Variants in TNXB observed in about 807,000 individuals in gnomAD.
TNXB encodes the protein tenascin XB.
TNXB carries 183 observed loss-of-function variants against 340.5 expected under a neutral mutation model. The ratio of observed to expected loss-of-function variants is 0.54; its 90% CI spans 0.48 to 0.61. The LOEUF (loss-of-function observed/expected upper bound fraction) is 0.61, where lower values mean the gene tolerates loss of function less well. Among genes scored for constraint, TNXB ranks in the 20% least tolerant of loss-of-function variants. TNXB has a pLI of 0.00. For missense variants in TNXB, 4,613 were observed against 5,446.4 expected, an observed-to-expected ratio of 0.85 and a Z score of 4.82; for synonymous variants, 2,121 against 2,314.5, an observed-to-expected ratio of 0.92 and a Z score of 2.40.
In TNXB at chr6:32,097,464, G is replaced by A. The variant is rs1336499699; in HGVS notation, c.404-15C>T. ...ATCTGTCTGACCTGGAGTAGGAGGG[G>A]AGAGGCAAGTCTCAGTCTCTCTCCT... On this transcript the variant is annotated splice_polypyrimidine_tract_variant and intron_variant, in intron 2 of 43. Transcript: ENST00000644971. This position sits in a 1 kb window ranked among gnomAD's most constrained non-coding sequence, Gnocchi z 5.9. The A allele has an allele frequency of 1.3e-6, 2 of 1,579,208 alleles. No individual in the cohort carries two copies. Among genetic ancestry groups the A allele is most frequent in the Admixed American group, 1.7e-5 (1 of 59,328 alleles).
rs745497457 is a variant in TNXB, at chr6:32,056,125, C to T, written c.8193G>A (p.Pro2731=). The T allele has an allele frequency of 7.4e-6, 12 of 1,611,964 alleles. No individual in the cohort carries two copies. The highest frequency in any genetic ancestry group is 3.3e-5 in the Admixed American group (2 of 59,892). Residue 2731 remains proline, a synonymous_variant, in exon 24 of 44, where the codon CCG becomes CCA. Transcript: ENST00000644971. ...PSPTELSTEA[P]EPPEEPLLGE... is the part of the protein sequence containing the mutation. ...CCAGGAGCGGCTCCTCAGGGGGCTCCGGGGCCTCAGTGCTGAGTTCCGTGG... is the reference window on the plus strand; with the variant it reads ...CCAGGAGCGGCTCCTCAGGGGGCTCTGGGGCCTCAGTGCTGAGTTCCGTGG...
rs774638630 is a variant in TNXB at position 32,043,976 on chromosome 6, C to T, written c.11386+31G>A. ...CAGAGTGCAGGGGGGAGAGGAAATG[C>T]GAGGCGATGAGCACATGGCAAAGGC... is the stretch of plus-strand genomic sequence containing the variant. On this transcript the variant is annotated intron_variant, in intron 34 of 43. Coordinates refer to ENST00000644971, the MANE Select transcript of TNXB (RefSeq NM_001365276.2). 1.1e-5 allele frequency: 18 copies of T among 1,606,058 alleles called. No individual in the cohort carries two copies. The South Asian group carries it at 1.2e-4, about 11-fold the overall frequency.
Position 32,055,897 on chromosome 6 carries a change from G to T in TNXB, c.8421C>A (p.Leu2807=). 6.2e-7 allele frequency: 1 copy of T among 1,613,184 alleles called. No individual in the cohort carries two copies. The highest frequency in any genetic ancestry group is 8.5e-7 in the Non-Finnish European group (1 of 1,179,664). ...CCGGGCCCACACGCCGCCCCTCGTGGAGGCCGTACAGGTGCATCTTGTATT... is the reference window on the plus strand; with the variant it reads ...CCGGGCCCACACGCCGCCCCTCGTGTAGGCCGTACAGGTGCATCTTGTATT... ...GRKYKMHLYG[L]HEGRRVGPVS... is the part of the protein sequence containing the mutation. The change falls in exon 24 of 44, where the codon CTC becomes CTA. Residue 2807 remains leucine, a synonymous_variant. Coordinates refer to ENST00000644971, the MANE Select transcript of TNXB (RefSeq NM_001365276.2).
In TNXB at chr6:32,046,828, C is replaced by T. The variant is rs189939271; in HGVS notation, c.10325-372G>A. Among the ~76,000 whole-genome samples the T allele has an allele frequency of 9.8e-5, 15 of 152,344 alleles. No individual in the cohort carries two copies. The East Asian group carries it at 1.7e-3, about 18-fold the overall frequency. On this transcript the variant is annotated intron_variant, in intron 30 of 43. Transcript: ENST00000644971. The surrounding 1 kb of genome is among the most constrained non-coding windows in gnomAD (Gnocchi z 6.9). Reference sequence around the variant, plus strand: ...GAGGCCAGAGCTGAGAGAGACTCCCCGGAGGTCTCTGGGTTGTCACGGAGA... The same window carrying T: ...GAGGCCAGAGCTGAGAGAGACTCCCTGGAGGTCTCTGGGTTGTCACGGAGA...
At chr6:32,055,382 T>C (rs1277486648) in intron 24 of TNXB, among the ~76,000 whole-genome samples, 1 of 152,192 alleles carries the variant, frequency 6.6e-6, no homozygotes, top group Admixed American at 6.5e-5. Flanking sequence ...GGGCAAGGAA[T>C]TCTTTGCTGA....
rs774582576 is a variant in TNXB, at chr6:32,082,135, C to T, written c.3637G>A (p.Val1213Ile). 30 of 1,611,740 alleles carry T rather than the reference C, an allele frequency of 1.9e-5. No homozygotes were observed. The highest frequency in any genetic ancestry group is 2.5e-5 in the Non-Finnish European group (29 of 1,179,290). Residue 1213 changes from valine (V) to isoleucine (I), a missense_variant, in exon 9 of 44, where the codon GTT (valine) becomes ATT (isoleucine). Val to Ile is a conservative substitution (Grantham distance 29). Coordinates refer to ENST00000644971, the MANE Select transcript of TNXB (RefSeq NM_001365276.2). This position sits in a 1 kb window ranked among gnomAD's most constrained non-coding sequence, Gnocchi z 5.0. ...TGGTCAGGGTCCAGTGAGGAGACAA[C>T]AAATGAACGCTCGGGCCCTTCCACA... is the stretch of plus-strand genomic sequence containing the variant. ...VPVEGPERSF[V>I]VSSLDPDHKY...
intron 4 of TNXB, among the ~76,000 whole-genome samples, chr6:32,091,220 C>T (rs1467896106): frequency 3.3e-5 from 5 of 150,816 alleles, no homozygotes; most frequent in Non-Finnish European, 7.4e-5. Context: ...AAGCGATTCT[C>T]CTGCCTCAGC....
rs771332630 is a variant in TNXB, at chr6:32,069,629, G to A, written c.5511C>T (p.Ala1837=). ...REVSVPGLDP[A]HRYKLLLYGL... ...CGTAGAGCAGCAGCTTGTACCTGTG[G>A]GCAGGGTCCAGGCCCGGCACGCTGA... Residue 1837 remains alanine (A), a synonymous_variant, in exon 15 of 44, where the codon GCC becomes GCT. Coordinates refer to ENST00000644971, the MANE Select transcript of TNXB (RefSeq NM_001365276.2). The surrounding 1 kb of genome is among the most constrained non-coding windows in gnomAD (Gnocchi z 6.2). The A allele has an allele frequency of 6.2e-7, 1 of 1,611,724 alleles. No homozygotes were observed. Among genetic ancestry groups the A allele is most frequent in the African/African-American group, 1.3e-5 (1 of 74,918 alleles).
At chr6:32,093,493 T>G (rs769929643) in intron 4 of TNXB, 3 of 669,296 alleles carry the variant, frequency 4.5e-6, no homozygotes, top group Non-Finnish European at 8.3e-6. Context: ...CAAAGTGGAG[T>G]GAGGATGACA....
At chr6:32,078,215 G>T (rs1285470088) in intron 11 of TNXB, among the ~76,000 whole-genome samples, 5 of 151,954 alleles carry the variant, frequency 3.3e-5, no homozygotes, top group African/African-American at 1.2e-4. Context: ...GGGAGGCCGA[G>T]GCAGGTGGCT....
chr6:32,088,037 C>T (rs944890548), intron 6 of TNXB, among the ~76,000 whole-genome samples: 3 of 152,192 alleles, frequency 2.0e-5, no homozygotes, highest in African/African-American at 7.2e-5. Context: ...GCAGCTCCCT[C>T]CCGGCACTCC....
At chr6:32,045,938 C>T (rs1187752527) in intron 31 of TNXB, 10 of 1,271,720 alleles carry the variant, frequency 7.9e-6, no homozygotes, top group Non-Finnish European at 9.9e-6. Flanking sequence ...AGAGTCGGGG[C>T]TGGGAGATTA....
At chr6:32,059,827 G>A (rs1777904224) in intron 21 of TNXB, among the ~76,000 whole-genome samples, 1 of 151,890 alleles carries the variant, frequency 6.6e-6, no homozygotes, top group Admixed American at 6.5e-5. Context: ...CAGAGGTGGC[G>A]ACCTGCCCTG....
At chr6:32,088,155 G>A (rs1014819519) in intron 6 of TNXB, among the ~76,000 whole-genome samples, 6 of 152,248 alleles carry the variant, frequency 3.9e-5, no homozygotes, top group African/African-American at 9.6e-5. Context: ...TCAGTGTCCC[G>A]CAGCCCCCCC....
Position 32,061,520 on chromosome 6 carries a change from C to T in TNXB, c.7369G>A (p.Val2457Ile), listed in dbSNP as rs1431941095. The change falls in exon 21 of 44, where the codon GTT becomes ATT. Residue 2457 changes from valine to isoleucine, a missense_variant. Transcript: ENST00000644971. The surrounding 1 kb of genome is among the most constrained non-coding windows in gnomAD (Gnocchi z 4.4). ...DRDGRPQVVRVGGEESEVTVG... is the reference protein window; with the variant it reads ...DRDGRPQVVRIGGEESEVTVG... ...GTGACCTCGCTCTCCTCGCCCCCAA[C>T]ACGCACCACCTGGGGCCGCCCGTCC... 1 of 1,613,554 alleles carries T rather than the reference C, an allele frequency of 6.2e-7. No individual in the cohort carries two copies. Among genetic ancestry groups the T allele is most frequent in the African/African-American group, 1.3e-5 (1 of 74,844 alleles).
chr6:32,052,294 T>G lies in TNXB; in HGVS notation c.9115+376A>C, dbSNP rs1240217413. Among the ~76,000 whole-genome samples, 1 of 151,594 alleles carries G rather than the reference T, an allele frequency of 6.6e-6. No homozygotes were observed. Among genetic ancestry groups the G allele is most frequent in the Non-Finnish European group, 1.5e-5 (1 of 67,900 alleles). ...GTGAAACCCATCTCTACTAAAAATATGAAAAAATTAGCTGGGCGTGGTGGC... is the reference window on the plus strand; with the variant it reads ...GTGAAACCCATCTCTACTAAAAATAGGAAAAAATTAGCTGGGCGTGGTGGC... On this transcript the variant is annotated intron_variant, in intron 26 of 43. Transcript: ENST00000644971. This position sits in a 1 kb window ranked among gnomAD's most constrained non-coding sequence, Gnocchi z 4.7.
At chr6:32,043,386 T>A (rs1479660475) in intron 36 of TNXB, 51 bp downstream of exon 36, 1 of 451,136 alleles carries the variant, frequency 2.2e-6, no homozygotes, top group Non-Finnish European at 3.8e-6. Context: ...GCCTCCCCCC[T>A]GCAATCCCCA....
In TNXB at chr6:32,055,939, G is replaced by GC; in HGVS notation, c.8378dup (p.Leu2794ProfsTer34). The GC allele has an allele frequency of 1.9e-6, 3 of 1,613,454 alleles. No individual in the cohort carries two copies. On this transcript the variant is annotated frameshift_variant, in exon 24 of 44. Coordinates refer to ENST00000644971, the MANE Select transcript of TNXB (RefSeq NM_001365276.2). LOFTEE classifies it high-confidence loss of function. ...TCTTGTATTTGCGCCCGGGCTCCAG[G>GC]CCCCCCACGGTGACCTCGCTCTCCT...
chr6:32,073,890 G>A lies in TNXB; in HGVS notation c.4438C>T (p.Leu1480=). ...ESPLEPRLGE[L]TVTDVTPNSV... is the part of the protein sequence containing the mutation. ...TTGGGGGTCACATCTGTCACTGTCA[G>A]CTCTCCTAGGCGTGGCTCCAGCGGG... The change falls in exon 12 of 44, where the codon CTG becomes TTG. Residue 1480 remains leucine, a synonymous_variant. Transcript: ENST00000644971. This position sits in a 1 kb window ranked among gnomAD's most constrained non-coding sequence, Gnocchi z 4.6. 1 of 1,609,854 alleles carries A rather than the reference G, an allele frequency of 6.2e-7. No individual in the cohort carries two copies. Among genetic ancestry groups the A allele is most frequent in the Non-Finnish European group, 8.5e-7 (1 of 1,178,554 alleles).
Sources: allele counts gnomAD v4.1 joint callset (sites outside exome capture counted in the v4.1 genomes callset), GRCh38; gene constraint gnomAD v4.1.1; non-coding constraint Gnocchi (gnomAD v3.1); transcripts MANE v1.5; gene names NCBI Gene and HGNC (gene_info 2026-07-23, HGNC 2026-07-21).